PCDHGB2: variants seen among roughly 807,000 people sequenced by gnomAD.
The protein encoded by PCDHGB2 is protocadherin gamma subfamily B, 2, also known as protocadherin gamma-B2.
PCDHGB2 carries 55 observed loss-of-function variants against 59.3 expected under a neutral mutation model. The ratio of observed to expected loss-of-function variants is 0.93; its 90% CI spans 0.75 to 1.16. The LOEUF (loss-of-function observed/expected upper bound fraction) is 1.16, where lower values mean the gene tolerates loss of function less well. PCDHGB2 is among the 50% of genes most tolerant of loss of function. The probability of loss-of-function intolerance (pLI) is 0.00; values close to 1 mark genes in which losing one functional copy is unlikely to be tolerated. For missense variants in PCDHGB2, 1,228 were observed against 1,198.5 expected (o/e 1.02, Z -0.36); for synonymous variants, 516 against 512.0 (o/e 1.01, Z -0.11).
intron 1 of PCDHGB2, chr5:141,388,401 A>C: frequency 6.2e-7 from 1 of 1,614,026 alleles, no homozygotes; most frequent in East Asian, 2.2e-5. Context: ...TTACCAACTC[A>C]GTCCCAGTGA....
At chr5:141,421,303 G>A (rs1456288695) in intron 1 of PCDHGB2, 1 of 1,613,660 alleles carries the variant, frequency 6.2e-7, no homozygotes, top group Non-Finnish European at 8.5e-7. Flanking sequence ...GACGCTGCGG[G>A]GGTTCCGGGC....
chr5:141,364,676 AT>A, intron 1 of PCDHGB2: 2 of 1,614,002 alleles, frequency 1.2e-6, no homozygotes, highest in South Asian at 2.2e-5. Context: ...CAAAATGAAA[AT>A]TTATGGAGTA....
intron 1 of PCDHGB2, chr5:141,384,902 T>A: frequency 3.1e-6 from 5 of 1,613,898 alleles, no homozygotes; most frequent in Non-Finnish European, 4.2e-6. Flanking sequence ...GCTGACAGCA[T>A]CCCCGAAGTC....
At chr5:141,366,651 A>G (rs767855798) in intron 1 of PCDHGB2, 5 of 1,614,244 alleles carry the variant, frequency 3.1e-6, no homozygotes, top group East Asian at 2.2e-5. Flanking sequence ...CCCCAGCCCA[A>G]CTACGCAGAC....
intron 1 of PCDHGB2, chr5:141,366,677 G>C (rs781103707): frequency 6.2e-7 from 1 of 1,614,148 alleles, no homozygotes; most frequent in Non-Finnish European, 8.5e-7. Context: ...CCTTAGTGAA[G>C]AGAGCTGTGA....
chr5:141,472,335 A>T (rs1033984936), intron 1 of PCDHGB2, among the ~76,000 whole-genome samples: 38 of 151,784 alleles, frequency 2.5e-4, no homozygotes, highest in Non-Finnish European at 2.5e-4. Context: ...AGGTTGGGAG[A>T]TCGAGACCAT....
chr5:141,435,951 G>A (rs371199258), intron 1 of PCDHGB2, among the ~76,000 whole-genome samples: 1 of 152,100 alleles, frequency 6.6e-6, no homozygotes, highest in Non-Finnish European at 1.5e-5. Context: ...ACCAAAAAAG[G>A]GGGCAAAATA....
At chr5:141,467,672 A>T (rs1410623274) in intron 1 of PCDHGB2, among the ~76,000 whole-genome samples, 2 of 151,636 alleles carry the variant, frequency 1.3e-5, no homozygotes, top group Non-Finnish European at 2.9e-5. Context: ...GAAGATTTTT[A>T]TTTTTTTTAG....
At chr5:141,414,957 G>A in intron 1 of PCDHGB2, 7 of 1,614,018 alleles carry the variant, frequency 4.3e-6, no homozygotes, top group Non-Finnish European at 3.4e-6. Flanking sequence ...TGGTGACCAA[G>A]GTGGTGGCGG....
chr5:141,366,190 G>A, intron 1 of PCDHGB2: 1 of 1,613,934 alleles, frequency 6.2e-7, no homozygotes, highest in African/African-American at 1.3e-5. Context: ...TTGCGGTTGG[G>A]CTGCACACGG....
intron 1 of PCDHGB2, chr5:141,408,586 C>G: frequency 6.2e-7 from 1 of 1,613,976 alleles, no homozygotes; most frequent in Non-Finnish European, 8.5e-7. Context: ...ATGTTAATGA[C>G]CACGCCCCTC....
At chr5:141,502,666 T>C (rs962424461) in intron 2 of PCDHGB2, among the ~76,000 whole-genome samples, 10 of 152,234 alleles carry the variant, frequency 6.6e-5, no homozygotes, top group African/African-American at 2.2e-4. Context: ...CTTCATGCAA[T>C]TTTAGTATTC....
Position 141,491,733 on chromosome 5 carries a change from TG to T in PCDHGB2, c.2422-3069del. 6.2e-7 allele frequency: 1 copy of T among 1,602,698 alleles called. No individual in the cohort carries two copies. Among genetic ancestry groups the T allele is most frequent in the Non-Finnish European group, 8.5e-7 (1 of 1,175,258 alleles). On this transcript the variant is annotated intron_variant, in intron 1 of 3. Coordinates refer to ENST00000522605, the MANE Select transcript of PCDHGB2 (RefSeq NM_018923.3). This position sits in a 1 kb window ranked among gnomAD's most constrained non-coding sequence, Gnocchi z 6.9. ...GCTCGGCGCCGCCCCGGGCGACCCC[TG>T]GGGGCGGCACTGGAGAAGCCGCCCG...
At chr5:141,409,687 C>A (rs1190888512) in intron 1 of PCDHGB2, 2 of 1,613,202 alleles carry the variant, frequency 1.2e-6, no homozygotes, top group East Asian at 4.5e-5. Context: ...TGGCGAGTGA[C>A]CTAGAGCCCC....
At chr5:141,411,890 G>T (rs2095521758) in intron 1 of PCDHGB2, 1 of 152,148 alleles carries the variant, frequency 6.6e-6, no homozygotes, top group South Asian at 2.1e-4. Context: ...AGAAATAAAT[G>T]AAATACTATT....
intron 1 of PCDHGB2, chr5:141,389,720 C>T (rs1488646083): frequency 1.2e-6 from 2 of 1,612,576 alleles, no homozygotes; most frequent in East Asian, 4.5e-5. Flanking sequence ...CTAGCGAGCC[C>T]GGGCTCTTCA....
intron 1 of PCDHGB2, chr5:141,415,071 G>T: frequency 6.2e-7 from 1 of 1,613,422 alleles, no homozygotes; most frequent in East Asian, 2.2e-5. Flanking sequence ...AGGTGCGCAC[G>T]GCGCGAGCCC....
intron 2 of PCDHGB2, among the ~76,000 whole-genome samples, chr5:141,497,553 T>G (rs2099777684): frequency 6.6e-6 from 1 of 151,326 alleles, no homozygotes; most frequent in Non-Finnish European, 1.5e-5. Flanking sequence ...TTTTTTTTTT[T>G]TTTTTAGACA....
intron 1 of PCDHGB2, among the ~76,000 whole-genome samples, chr5:141,448,043 G>A (rs1000669754): frequency 3.3e-5 from 5 of 151,870 alleles, no homozygotes; most frequent in African/African-American, 1.2e-4. Context: ...CCAAGATCAT[G>A]CCATTGCTCT....
Sources: allele counts gnomAD v4.1 joint callset (sites outside exome capture counted in the v4.1 genomes callset), GRCh38; gene constraint gnomAD v4.1.1; non-coding constraint Gnocchi (gnomAD v3.1); transcripts MANE v1.5; gene names NCBI Gene and HGNC (gene_info 2026-07-23, HGNC 2026-07-21).